Variants in IER5L observed in about 807,000 individuals in gnomAD.
The protein encoded by IER5L is immediate early response gene 5-like protein.
IER5L carries 6 observed loss-of-function variants against 28.3 expected under a neutral mutation model. The observed-to-expected ratio is 0.21, with a 90% CI of 0.12 to 0.42. The LOEUF (loss-of-function observed/expected upper bound fraction) is 0.42. Among genes scored for constraint, IER5L ranks in the 10% least tolerant of loss-of-function variants. The probability of loss-of-function intolerance (pLI) is 1.00; values close to 1 mark genes in which losing one functional copy is unlikely to be tolerated. For synonymous variants in IER5L, 351 were observed against 282.5 expected (o/e 1.24, Z -2.43); for missense variants, 607 against 575.2 (o/e 1.06, Z -0.56).
Position 129,178,114 on chromosome 9 carries a change from T to A in IER5L, c.-62A>T. On this transcript the variant is annotated 5_prime_UTR_variant, in exon 1 of 1. Transcript: ENST00000372491. ...CTGCTGCTGTTAACGCTTCTGCTGT[T>A]TCTGCCTCCAGCCGGCCGCCGGGGC... 1 of 1,319,578 alleles carries A rather than the reference T, an allele frequency of 7.6e-7. No individual in the cohort carries two copies. Among genetic ancestry groups the A allele is most frequent in the Non-Finnish European group, 9.7e-7 (1 of 1,026,428 alleles). The allele number at this position is 1,319,578 out of a possible 1,614,324, so 81.7% of individuals were successfully genotyped here. A position where few individuals can be genotyped will look rare whatever the true frequency, so the allele number is the denominator to read the frequency against.
rs1186650944 is a variant in IER5L at position 129,177,123 on chromosome 9, C to G, written c.930G>C (p.Glu310Asp). 1 of 1,464,574 alleles carries G rather than the reference C, an allele frequency of 6.8e-7. No homozygotes were observed. Among genetic ancestry groups the G allele is most frequent in the Non-Finnish European group, 9.0e-7 (1 of 1,110,306 alleles). The allele number at this position is 1,464,574 out of a possible 1,614,324, so 90.7% of individuals were successfully genotyped here. Reference protein sequence around the residue: ...CKRKYYPGQEEEEDDEEDAGG... With the variant: ...CKRKYYPGQEDEEDDEEDAGG... The stretch of plus-strand genomic sequence containing the variant: ...CCGCATCCTCCTCGTCGTCTTCCTC[C>G]TCCTCCTGGCCAGGGTAATACTTGC... The change falls in exon 1 of 1, where the codon GAG becomes GAC. Residue 310 changes from glutamate (E) to aspartate (D), a missense_variant. By Grantham distance (45) the Glu-to-Asp change is conservative (BLOSUM62 2). Transcript: ENST00000372491.
chr9:129,177,369 G>C lies in IER5L; in HGVS notation c.684C>G (p.Ala228=). Residue 228 remains alanine (A), a synonymous_variant, in exon 1 of 1, where the codon GCC becomes GCG. Transcript: ENST00000372491. ...AAAASPPASP[A]PASSPGFYRG... is the part of the protein sequence containing the mutation. ...GGTAGAAGCCGGGGGAGGAGGCGGGGGCCGGGGAGGCGGGCGGAGAAGCGG... is the reference window on the plus strand; with the variant it reads ...GGTAGAAGCCGGGGGAGGAGGCGGGCGCCGGGGAGGCGGGCGGAGAAGCGG... The C allele has an allele frequency of 7.7e-7, 1 of 1,295,684 alleles. No homozygotes were observed. Among genetic ancestry groups the C allele is most frequent in the Non-Finnish European group, 9.8e-7 (1 of 1,021,808 alleles). The allele number at this position is 1,295,684 out of a possible 1,614,324, so 80.3% of individuals were successfully genotyped here. A position where few individuals can be genotyped will look rare whatever the true frequency, so the allele number is the denominator to read the frequency against.
rs772060335 is a variant in IER5L, at chr9:129,176,883, C to A, written c.1170G>T (p.Ala390=). Residue 390 remains alanine (A), a synonymous_variant, in exon 1 of 1, where the codon GCG becomes GCT. Coordinates refer to ENST00000372491, the MANE Select transcript of IER5L (RefSeq NM_203434.3). ...GAGTCCAGGCGCCGAGGCTGGCGAG[C>A]GCCTGCTTGGCGCACAGCTGCCCGT... ...PLNGQLCAKQ[A]LASLGAWTRA... is the part of the protein sequence containing the mutation. The A allele has an allele frequency of 4.4e-6, 7 of 1,599,382 alleles. No individual in the cohort carries two copies. The South Asian group carries it at 6.7e-5, about 15-fold the overall frequency.
Position 129,177,181 on chromosome 9 carries a change from C to G in IER5L, c.872G>C (p.Gly291Ala). The G allele has an allele frequency of 2.7e-6, 4 of 1,478,252 alleles. No individual in the cohort carries two copies. Among genetic ancestry groups the G allele is most frequent in the Non-Finnish European group, 3.6e-6 (4 of 1,120,036 alleles). 91.6% of individuals were successfully genotyped at this position (1,478,252 alleles called of 1,614,324 possible). Residue 291 changes from glycine (G) to alanine (A), a missense_variant, in exon 1 of 1, where the codon GGA (glycine) becomes GCA (alanine). Transcript: ENST00000372491. ...HCPCCGQGAP[G>A]PGLASAAGCK... ...GCCGGCGGCGGACGCCAGGCCCGGT[C>G]CCGGAGCGCCCTGGCCACAGCAGGG...
rs1239664773 is a variant in IER5L at position 129,176,832 on chromosome 9, G to A, written c.*6C>T. 1 of 1,577,790 alleles carries A rather than the reference G, an allele frequency of 6.3e-7. No homozygotes were observed. Among genetic ancestry groups the A allele is most frequent in the Non-Finnish European group, 8.6e-7 (1 of 1,164,910 alleles). On this transcript the variant is annotated 3_prime_UTR_variant, in exon 1 of 1. Coordinates refer to ENST00000372491, the MANE Select transcript of IER5L (RefSeq NM_203434.3). Reference sequence around the variant, plus strand: ...GGGCCCCGGGTCCCTGTGCCCTCGGGGGTCCCTAGAAGGCGACAATGGCTC... The same window carrying A: ...GGGCCCCGGGTCCCTGTGCCCTCGGAGGTCCCTAGAAGGCGACAATGGCTC...
rs767262011 is a variant in IER5L, at chr9:129,176,812, CCGGGTCCCTGTGCCCTCG to C, written c.*8_*25del. 10 of 1,525,508 alleles carry C rather than the reference CCGGGTCCCTGTGCCCTCG, an allele frequency of 6.6e-6. No homozygotes were observed. Among genetic ancestry groups the C allele is most frequent in the Non-Finnish European group, 7.9e-6 (9 of 1,141,944 alleles). The allele number at this position is 1,525,508 out of a possible 1,614,324, so 94.5% of individuals were successfully genotyped here. On this transcript the variant is annotated 3_prime_UTR_variant, in exon 1 of 1. Transcript: ENST00000372491. Reference sequence around the variant, plus strand: ...TGTCTGGCCCCAGCCCCGCGGGGCCCCGGGTCCCTGTGCCCTCGGGGGTCCCTAGAAGGCGACAATGGC... The same window carrying C: ...TGTCTGGCCCCAGCCCCGCGGGGCCCGGGGTCCCTAGAAGGCGACAATGGC...
At position 129,176,955 on chromosome 9, in the gene IER5L, C is replaced by T. The variant is rs753540682; in HGVS notation, c.1098G>A (p.Gly366=). 2 of 1,604,058 alleles carry T rather than the reference C, an allele frequency of 1.2e-6. No homozygotes were observed. Among genetic ancestry groups the T allele is most frequent in the Non-Finnish European group, 1.7e-6 (2 of 1,176,622 alleles). ...LISIFGSGFS[G]LVSRQPDSSE... Reference sequence around the variant, plus strand: ...AGGAGTCCGGCTGTCGGCTCACCAGCCCCGAGAAGCCGGAGCCAAAGATGG... The same window carrying T: ...AGGAGTCCGGCTGTCGGCTCACCAGTCCCGAGAAGCCGGAGCCAAAGATGG... Residue 366 remains glycine, a synonymous_variant, in exon 1 of 1, where the codon GGG becomes GGA. Coordinates refer to ENST00000372491, the MANE Select transcript of IER5L (RefSeq NM_203434.3).
Position 129,177,071 on chromosome 9 carries a change from C to A in IER5L, c.982G>T (p.Gly328Cys). 6.7e-7 allele frequency: 1 copy of A among 1,490,370 alleles called. No homozygotes were observed. The highest frequency in any genetic ancestry group is 8.9e-7 in the Non-Finnish European group (1 of 1,121,418). The allele number at this position is 1,490,370 out of a possible 1,614,324, so 92.3% of individuals were successfully genotyped here. A position where few individuals can be genotyped will look rare whatever the true frequency, so the allele number is the denominator to read the frequency against. Residue 328 changes from glycine (G) to cysteine (C), a missense_variant, in exon 1 of 1, where the codon GGC (glycine) becomes TGC (cysteine). Transcript: ENST00000372491. ...AGGLGAEPPGGAPFAPCKRAR... is the reference protein window; with the variant it reads ...AGGLGAEPPGCAPFAPCKRAR... ...CGCTTGCAGGGGGCGAACGGGGCGC[C>A]CCCGGGGGGCTCGGCCCCCAGCCCG...
chr9:129,176,668 CTT>C lies in IER5L; in HGVS notation c.*168_*169del. The C allele has an allele frequency of 1.5e-5, 12 of 823,910 alleles. No homozygotes were observed. The highest frequency in any genetic ancestry group is 3.9e-5 in the East Asian group (1 of 25,726). The allele number at this position is 823,910 out of a possible 1,614,324, so 51.0% of individuals were successfully genotyped here. ...AAATAAAGTCCAAGATTTTAGATTT[CTT>C]TTTTTTTTATTTTACAATTTATAAA... On this transcript the variant is annotated 3_prime_UTR_variant, in exon 1 of 1. Transcript: ENST00000372491.
In IER5L at chr9:129,177,376, G is replaced by T; in HGVS notation, c.677C>A (p.Ser226Tyr). 7.9e-7 allele frequency: 1 copy of T among 1,273,164 alleles called. No homozygotes were observed. Among genetic ancestry groups the T allele is most frequent in the Non-Finnish European group, 9.9e-7 (1 of 1,008,308 alleles). 78.9% of individuals were successfully genotyped at this position (1,273,164 alleles called of 1,614,324 possible). ...PPAAAASPPA[S>Y]PAPASSPGFY... ...GCCGGGGGAGGAGGCGGGGGCCGGG[G>T]AGGCGGGCGGAGAAGCGGCGGCGGC... The change falls in exon 1 of 1, where the codon TCC becomes TAC. Residue 226 changes from serine to tyrosine, a missense_variant. By Grantham distance (144) the Ser-to-Tyr change is moderately radical. Coordinates refer to ENST00000372491, the MANE Select transcript of IER5L (RefSeq NM_203434.3).
chr9:129,178,234 C>T lies in IER5L; in HGVS notation c.-182G>A. 2.1e-6 allele frequency: 1 copy of T among 472,560 alleles called. No homozygotes were observed. Among genetic ancestry groups the T allele is most frequent in the Non-Finnish European group, 3.5e-6 (1 of 283,650 alleles). The allele number at this position is 472,560 out of a possible 1,614,324, so 29.3% of individuals were successfully genotyped here. On this transcript the variant is annotated 5_prime_UTR_variant, in exon 1 of 1. Transcript: ENST00000372491. ...GCCGCGCGCCACCCGCGGGCTCGCG[C>T]TCCCCAGACGGCGCCAAAGCAATGA...
rs1324657596 is a variant in IER5L, at chr9:129,177,708, G to A, written c.345C>T (p.His115=). The A allele has an allele frequency of 7.0e-7, 1 of 1,435,692 alleles. No homozygotes were observed. Among genetic ancestry groups the A allele is most frequent in the Admixed American group, 2.6e-5 (1 of 38,148 alleles). The allele number at this position is 1,435,692 out of a possible 1,614,324, so 88.9% of individuals were successfully genotyped here. The change falls in exon 1 of 1, where the codon CAC becomes CAT. Residue 115 remains histidine, a synonymous_variant. Coordinates refer to ENST00000372491, the MANE Select transcript of IER5L (RefSeq NM_203434.3). ...PAARHQLHQL[H]QLHQLHLQQQ... ...GCTGGAGGTGCAGCTGGTGGAGCTGGTGGAGCTGGTGCAGCTGGTGCCGGG... is the reference window on the plus strand; with the variant it reads ...GCTGGAGGTGCAGCTGGTGGAGCTGATGGAGCTGGTGCAGCTGGTGCCGGG...
chr9:129,178,017 G>T lies in IER5L; in HGVS notation c.36C>A (p.Ser12Arg). 6.4e-7 allele frequency: 1 copy of T among 1,560,446 alleles called. No individual in the cohort carries two copies. Among genetic ancestry groups the T allele is most frequent in the Non-Finnish European group, 8.7e-7 (1 of 1,154,428 alleles). ...ECALDAQSLI[S>R]ISLRKIHSSR... is the part of the protein sequence containing the mutation. Reference sequence around the variant, plus strand: ...AGCTGTGGATCTTGCGCAGGGAGATGCTGATCAGGCTCTGGGCGTCCAGGG... The same window carrying T: ...AGCTGTGGATCTTGCGCAGGGAGATTCTGATCAGGCTCTGGGCGTCCAGGG... Residue 12 changes from serine to arginine, a missense_variant, in exon 1 of 1, where the codon AGC becomes AGA. Ser to Arg is a moderately radical substitution (Grantham distance 110, BLOSUM62 -1). Coordinates refer to ENST00000372491, the MANE Select transcript of IER5L (RefSeq NM_203434.3).
Position 129,177,312 on chromosome 9 carries a change from G to A in IER5L, c.741C>T (p.Gly247=), listed in dbSNP as rs777959272. 18 of 1,425,680 alleles carry A rather than the reference G, an allele frequency of 1.3e-5. No homozygotes were observed. The highest frequency in any genetic ancestry group is 5.2e-5 in the Admixed American group (2 of 38,560). 88.3% of individuals were successfully genotyped at this position (1,425,680 alleles called of 1,614,324 possible). A position where few individuals can be genotyped will look rare whatever the true frequency, so the allele number is the denominator to read the frequency against. Residue 247 remains glycine (G), a synonymous_variant, in exon 1 of 1, where the codon GGC becomes GGT. Transcript: ENST00000372491. ...CGGTGGTCTGGCTGCTGCAGTGCAAGCCGAAGTCCGAAGGGGTAGGGTATG... is the reference window on the plus strand; with the variant it reads ...CGGTGGTCTGGCTGCTGCAGTGCAAACCGAAGTCCGAAGGGGTAGGGTATG... ...RGAYPTPSDF[G]LHCSSQTTVL...
chr9:129,177,390 AGCG>A lies in IER5L; in HGVS notation c.660_662del (p.Ala221del). On this transcript the variant is annotated inframe_deletion, in exon 1 of 1. Transcript: ENST00000372491. ...CGGGGGCCGGGGAGGCGGGCGGAGAAGCGGCGGCGGCCGGAGGGGCGGCCCCTG... is the reference window on the plus strand; with the variant it reads ...CGGGGGCCGGGGAGGCGGGCGGAGAAGCGGCGGCCGGAGGGGCGGCCCCTG... 7.9e-7 allele frequency: 1 copy of A among 1,266,244 alleles called. No homozygotes were observed. Among genetic ancestry groups the A allele is most frequent in the Non-Finnish European group, 9.9e-7 (1 of 1,006,560 alleles). 78.4% of individuals were successfully genotyped at this position (1,266,244 alleles called of 1,614,324 possible).
chr9:129,176,773 C>T lies in IER5L; in HGVS notation c.*65G>A. Reference sequence around the variant, plus strand: ...GCCCGCTCGTTCCCTCCTCTCGCCCCTTTGCCGAGTCTTTGTCTGGCCCCA... The same window carrying T: ...GCCCGCTCGTTCCCTCCTCTCGCCCTTTTGCCGAGTCTTTGTCTGGCCCCA... On this transcript the variant is annotated 3_prime_UTR_variant, in exon 1 of 1. Transcript: ENST00000372491. 1 of 1,415,716 alleles carries T rather than the reference C, an allele frequency of 7.1e-7. No homozygotes were observed. Among genetic ancestry groups the T allele is most frequent in the Non-Finnish European group, 9.2e-7 (1 of 1,087,256 alleles). 87.7% of individuals were successfully genotyped at this position (1,415,716 alleles called of 1,614,324 possible).
Position 129,178,190 on chromosome 9 carries a change from A to G in IER5L, c.-138T>C. The G allele has an allele frequency of 4.4e-6, 3 of 684,136 alleles. No individual in the cohort carries two copies. Among genetic ancestry groups the G allele is most frequent in the South Asian group, 4.4e-5 (1 of 22,734 alleles). 42.4% of individuals were successfully genotyped at this position (684,136 alleles called of 1,614,324 possible). ...GGGTCAGAGGTTCGGCTGCGCTCCGAAAGGAGCCGCCACCATGCGCCGCGC... is the reference window on the plus strand; with the variant it reads ...GGGTCAGAGGTTCGGCTGCGCTCCGGAAGGAGCCGCCACCATGCGCCGCGC... On this transcript the variant is annotated 5_prime_UTR_variant, in exon 1 of 1. Coordinates refer to ENST00000372491, the MANE Select transcript of IER5L (RefSeq NM_203434.3).
rs1173240152 is a variant in IER5L at position 129,177,313 on chromosome 9, C to T, written c.740G>A (p.Gly247Asp). The stretch of plus-strand genomic sequence containing the variant: ...GGTGGTCTGGCTGCTGCAGTGCAAG[C>T]CGAAGTCCGAAGGGGTAGGGTATGC... ...RGAYPTPSDF[G>D]LHCSSQTTVL... The change falls in exon 1 of 1, where the codon GGC becomes GAC. Residue 247 changes from glycine (G) to aspartate (D), a missense_variant. Coordinates refer to ENST00000372491, the MANE Select transcript of IER5L (RefSeq NM_203434.3). 7.0e-7 allele frequency: 1 copy of T among 1,425,222 alleles called. No individual in the cohort carries two copies. The highest frequency in any genetic ancestry group is 9.2e-7 in the Non-Finnish European group (1 of 1,092,272). 88.3% of individuals were successfully genotyped at this position (1,425,222 alleles called of 1,614,324 possible).
In IER5L at chr9:129,178,053, G is replaced by A. The variant is rs778849074; in HGVS notation, c.-1C>T. ...TCTGGGCGTCCAGGGCGCACTCCAT[G>A]CTCCCGCGGAGACGGCGGCGGAGCA... On this transcript the variant is annotated 5_prime_UTR_variant, in exon 1 of 1. Coordinates refer to ENST00000372491, the MANE Select transcript of IER5L (RefSeq NM_203434.3). 76 of 1,433,146 alleles carry A rather than the reference G, an allele frequency of 5.3e-5. No homozygotes were observed. The highest frequency in any genetic ancestry group is 8.9e-5 in the Admixed American group (3 of 33,844). The allele number at this position is 1,433,146 out of a possible 1,614,324, so 88.8% of individuals were successfully genotyped here. A position where few individuals can be genotyped will look rare whatever the true frequency, so the allele number is the denominator to read the frequency against.
Sources: gnomAD v4.1 joint callset for allele counts on GRCh38, gnomAD v4.1.1 for gene constraint, MANE v1.5 for transcripts, NCBI Gene and HGNC (gene_info 2026-07-23, HGNC 2026-07-21) for gene names.